The following TMEFF2 variants were observed in gnomAD, a reference collection of about 807,000 sequenced individuals.
TMEFF2 encodes tomoregulin-2.
In TMEFF2, 28 loss-of-function variants were observed where a neutral mutation model predicts 53.8. The ratio of observed to expected loss-of-function variants is 0.52; its 90% CI spans 0.39 to 0.71. The LOEUF (loss-of-function observed/expected upper bound fraction) is 0.71, where lower values mean the gene tolerates loss of function less well. TMEFF2 is among the 30% of genes least tolerant of loss of function. The probability of loss-of-function intolerance (pLI) is 0.00; values close to 1 mark genes in which losing one functional copy is unlikely to be tolerated. For missense variants in TMEFF2, 353 were observed against 455.2 expected (o/e 0.78, Z 2.04); for synonymous variants, 162 against 166.3 (o/e 0.97, Z 0.20).
chr2:192,101,182 G>C (rs1172883697), intron 4 of TMEFF2, among the ~76,000 whole-genome samples: 1 of 152,178 alleles, frequency 6.6e-6, no homozygotes, highest in South Asian at 2.1e-4. Context: ...TAGTGAAACA[G>C]TAGAGTTTAA....
intron 7 of TMEFF2, among the ~76,000 whole-genome samples, chr2:191,990,640 C>T (rs187304722): frequency 6.6e-6 from 1 of 151,972 alleles, no homozygotes; most frequent in Admixed American, 6.6e-5. Context: ...TATGGCATTC[C>T]ACTAGCAATT....
At chr2:191,987,314 C>G (rs1190720900) in intron 7 of TMEFF2, among the ~76,000 whole-genome samples, 1 of 152,124 alleles carries the variant, frequency 6.6e-6, no homozygotes, top group Non-Finnish European at 1.5e-5. Context: ...TGATGGTCAA[C>G]AATTTTCCCT....
chr2:192,000,831 A>G (rs930571977), intron 5 of TMEFF2, among the ~76,000 whole-genome samples: 1 of 152,238 alleles, frequency 6.6e-6, no homozygotes, highest in African/African-American at 2.4e-5. Context: ...TTACCTATTT[A>G]GGAACAAATA....
At chr2:192,117,809 C>T (rs527352219) in intron 4 of TMEFF2, among the ~76,000 whole-genome samples, 2 of 151,944 alleles carry the variant, frequency 1.3e-5, no homozygotes, top group African/African-American at 4.8e-5. Context: ...TTGCTGATCA[C>T]TATTTCATTT....
intron 7 of TMEFF2, among the ~76,000 whole-genome samples, chr2:191,966,675 T>C (rs1483520221): frequency 6.6e-6 from 1 of 152,178 alleles, no homozygotes; most frequent in Non-Finnish European, 1.5e-5. Context: ...AATTTCAAAA[T>C]AGAAACTAGT....
In TMEFF2 at chr2:192,132,111, C is replaced by G. The variant is rs1193045571; in HGVS notation, c.439+47557G>C. ...CCCATCTGACCTCTCCCCTCCTCGC[C>G]AGGCCAAGCTAGGCCCCAATTCTTC... On this transcript the variant is annotated intron_variant, in intron 4 of 9. Transcript: ENST00000272771. Among the ~76,000 whole-genome samples the G allele has an allele frequency of 3.3e-5, 5 of 152,242 alleles. No homozygotes were observed. The East Asian group carries it at 9.7e-4, about 29-fold the overall frequency.
chr2:192,051,079 ACT>A lies in TMEFF2; in HGVS notation c.536+6598_536+6599del, dbSNP rs550268076. ...ACTGCAGCTTTCAGAGGTGACAGCT[ACT>A]GTCTTCAAGGTGGAGATAAGAGGTA... On this transcript the variant is annotated intron_variant, in intron 5 of 9. Transcript: ENST00000272771. Among the ~76,000 whole-genome samples, 5 of 152,286 alleles carry A rather than the reference ACT, an allele frequency of 3.3e-5. No homozygotes were observed. The South Asian group carries it at 1.0e-3, about 32-fold the overall frequency.
At chr2:192,187,741 G>A (rs1217884271) in intron 2 of TMEFF2, among the ~76,000 whole-genome samples, 2 of 152,316 alleles carry the variant, frequency 1.3e-5, no homozygotes, top group East Asian at 3.9e-4. Context: ...TTCCAAATAA[G>A]TGTTTTTCAG....
chr2:191,993,193 A>G (rs1686147639), intron 7 of TMEFF2, among the ~76,000 whole-genome samples: 2 of 152,066 alleles, frequency 1.3e-5, no homozygotes, highest in Admixed American at 6.6e-5. Flanking sequence ...CACTTAAACT[A>G]TCTAGATACC....
chr2:192,081,800 C>CTT (rs900552541), intron 4 of TMEFF2, among the ~76,000 whole-genome samples: 7,306 of 130,280 alleles, frequency 0.056, 389 homozygotes, highest in African/African-American at 0.12. Flanking sequence ...AACGATTTCC[C>CTT]TTTTTTTTTT....
In TMEFF2 at chr2:191,980,855, G is replaced by A. The variant is rs114869665; in HGVS notation, c.745+17407C>T. ...TTCATCTAGGCAGCCAGATGAACCA[G>A]GAACCTTCGTATTTTTCCTGACTTT... On this transcript the variant is annotated intron_variant, in intron 7 of 9. Transcript: ENST00000272771. 9.9e-4 allele frequency among the ~76,000 whole-genome samples: 150 copies of A among 152,194 alleles called. 1 individual carries two copies. The highest frequency in any genetic ancestry group is 3.4e-3 in the African/African-American group (143 of 41,538).
intron 5 of TMEFF2, among the ~76,000 whole-genome samples, chr2:192,046,369 A>AAAAAAAG (rs962859290): frequency 1.3e-5 from 2 of 152,156 alleles, no homozygotes; most frequent in African/African-American, 4.8e-5. Flanking sequence ...GTCTCAAAGA[A>AAAAAAAG]AAAAAAGAAA....
At chr2:192,094,078 G>A (rs557286739) in intron 4 of TMEFF2, among the ~76,000 whole-genome samples, 20 of 152,242 alleles carry the variant, frequency 1.3e-4, no homozygotes, top group African/African-American at 4.8e-4. Flanking sequence ...ACATTTTAAT[G>A]TGGTTACTTT....
chr2:192,167,629 T>C (rs7597998), intron 4 of TMEFF2, among the ~76,000 whole-genome samples: 102,933 of 151,942 alleles, frequency 0.68, 35,149 homozygotes, highest in African/African-American at 0.74. Context: ...CTTTTTATCC[T>C]CTACACTTAC....
intron 4 of TMEFF2, among the ~76,000 whole-genome samples, chr2:192,117,867 T>C (rs1689451931): frequency 6.6e-6 from 1 of 151,882 alleles, no homozygotes; most frequent in Non-Finnish European, 1.5e-5. Flanking sequence ...TAGAGGGTGT[T>C]TAAACCCCAG....
chr2:192,083,660 T>G (rs1334756171), intron 4 of TMEFF2, among the ~76,000 whole-genome samples: 2 of 150,942 alleles, frequency 1.3e-5, no homozygotes, highest in African/African-American at 2.4e-5. Context: ...TTTAGACAGC[T>G]CATCAGCTTT....
rs1179901291 is a variant in TMEFF2 at position 192,194,593 on chromosome 2, C to T, written c.-69G>A. On this transcript the variant is annotated 5_prime_UTR_variant, in exon 1 of 10. Coordinates refer to ENST00000272771, the MANE Select transcript of TMEFF2 (RefSeq NM_016192.4). The surrounding 1 kb of genome is among the most constrained non-coding windows in gnomAD (Gnocchi z 4.2). ...ACACAGGATCGCGGGGGCCGGGCAGCGGGCTACTGAGCATCCCGCGGACGG... is the reference window on the plus strand; with the variant it reads ...ACACAGGATCGCGGGGGCCGGGCAGTGGGCTACTGAGCATCCCGCGGACGG... The T allele has an allele frequency of 1.9e-6, 3 of 1,554,714 alleles. No individual in the cohort carries two copies. The highest frequency in any genetic ancestry group is 2.7e-5 in the African/African-American group (2 of 73,848).
chr2:191,969,845 G>T (rs972410478), intron 7 of TMEFF2, among the ~76,000 whole-genome samples: 1 of 152,156 alleles, frequency 6.6e-6, no homozygotes, highest in African/African-American at 2.4e-5. Context: ...TGTGCTATGA[G>T]TATTTCTGAA....
intron 5 of TMEFF2, among the ~76,000 whole-genome samples, chr2:192,056,296 A>G (rs552848715): frequency 3.3e-5 from 5 of 152,090 alleles, no homozygotes; most frequent in Non-Finnish European, 7.3e-5. Flanking sequence ...AGCAATAATA[A>G]TAATAGGAAG....
Sources: allele counts gnomAD v4.1 joint callset (sites outside exome capture counted in the v4.1 genomes callset), GRCh38; gene constraint gnomAD v4.1.1; non-coding constraint Gnocchi (gnomAD v3.1); transcripts MANE v1.5; gene names NCBI Gene and HGNC (gene_info 2026-07-23, HGNC 2026-07-21).